LOXL1: variants seen among roughly 807,000 people sequenced by gnomAD.
LOXL1 encodes lysyl oxidase like 1.
A neutral mutation model predicts 62.2 loss-of-function variants in LOXL1; 31 were observed. That is an observed-to-expected ratio of 0.50 (90% CI 0.37 to 0.67). LOXL1 has a LOEUF of 0.67. LOXL1 is among the 30% of genes least tolerant of loss of function. The probability of loss-of-function intolerance (pLI) is 0.00; values close to 1 mark genes in which losing one functional copy is unlikely to be tolerated. For missense variants in LOXL1, 775 were observed against 843.4 expected, an observed-to-expected ratio of 0.92 and a Z score of 1.00; for synonymous variants, 403 against 384.4, an observed-to-expected ratio of 1.05 and a Z score of -0.56.
intron 1 of LOXL1, among the ~76,000 whole-genome samples, chr15:73,938,646 T>C (rs185294955): frequency 2.2e-4 from 33 of 152,198 alleles, no homozygotes; most frequent in Admixed American, 1.9e-3. Context: ...GGGAAGCGGA[T>C]GTTGCAGTGA....
intron 6 of LOXL1, among the ~76,000 whole-genome samples, chr15:73,950,909 A>G (rs909450914): frequency 7.2e-5 from 11 of 152,224 alleles, no homozygotes; most frequent in African/African-American, 2.7e-4. Flanking sequence ...CATGAGTAGA[A>G]TGAGATCAGA....
Position 73,947,162 on chromosome 15 carries a change from T to C in LOXL1, c.1445T>C (p.Leu482Pro). 2 of 1,613,792 alleles carry C rather than the reference T, an allele frequency of 1.2e-6. No individual in the cohort carries two copies. Among genetic ancestry groups the C allele is most frequent in the Non-Finnish European group, 1.7e-6 (2 of 1,179,704 alleles). ...GAGGGCCACAAGGCCAGTTTCTGCC[T>C]GGAGGACAGCACCTGTGACTTCGGC... The part of the protein sequence containing the change: ...VAEGHKASFC[L>P]EDSTCDFGNL... Residue 482 changes from leucine (L) to proline (P), a missense_variant, in exon 4 of 7, where the codon CTG becomes CCG. Physicochemically the swap from Leu to Pro is moderately conservative, Grantham distance 98. Coordinates refer to ENST00000261921, the MANE Select transcript of LOXL1 (RefSeq NM_005576.4).
intron 1 of LOXL1, among the ~76,000 whole-genome samples, chr15:73,937,829 C>T (rs2068684633): frequency 6.6e-6 from 1 of 152,220 alleles, no homozygotes; most frequent in Non-Finnish European, 1.5e-5. Context: ...CCCGCCCCAG[C>T]CTACCCCCAC....
chr15:73,942,719 A>T, intron 1 of LOXL1, 135 bp from the exon 2 acceptor site: 1 of 676,740 alleles, frequency 1.5e-6, no homozygotes, highest in Non-Finnish European at 2.7e-6. Flanking sequence ...ACCCAAGGAG[A>T]ATGGCAAAGG....
chr15:73,935,963 G>GTGTGTGTGTC (rs1173760895), intron 1 of LOXL1, among the ~76,000 whole-genome samples: 4 of 151,532 alleles, frequency 2.6e-5, no homozygotes, highest in Non-Finnish European at 5.9e-5. Context: ...GTGTGTGTGT[G>GTGTGTGTGTC]TGTGTGTGTG....
Position 73,936,233 on chromosome 15 carries a change from G to A in LOXL1, c.1103-6621G>A, listed in dbSNP as rs370565693. Among the ~76,000 whole-genome samples the A allele has an allele frequency of 1.3e-4, 20 of 152,146 alleles. No individual in the cohort carries two copies. In the East Asian group the frequency reaches 3.9e-3, roughly 29 times the overall value. On this transcript the variant is annotated intron_variant, in intron 1 of 6. Transcript: ENST00000261921. ...CTGTCCTAGCTCTCAGGCTTGAGCT[G>A]GGTTACATCTTCATTATGGGGCAAA...
intron 4 of LOXL1, 72 bp from the exon 5 acceptor site, chr15:73,947,726 GCCAGAAACT>G: frequency 3.0e-6 from 3 of 994,986 alleles, no homozygotes; most frequent in Non-Finnish European, 4.7e-6. Flanking sequence ...GGGAAGGTGG[GCCAGAAACT>G]CCTGAAGGTG....
rs755701227 is a variant in LOXL1, at chr15:73,947,057, C to T, written c.1350-10C>T. ...GCCCTCTTCTTTCTCCTTCTCTCCT[C>T]TGCCCCTAGGCATTACCACAGCATG... On this transcript the variant is annotated splice_polypyrimidine_tract_variant and intron_variant, in intron 3 of 6. Coordinates refer to ENST00000261921, the MANE Select transcript of LOXL1 (RefSeq NM_005576.4). 6.3e-7 allele frequency: 1 copy of T among 1,587,288 alleles called. No homozygotes were observed. Among genetic ancestry groups the T allele is most frequent in the Non-Finnish European group, 8.6e-7 (1 of 1,161,228 alleles).
At chr15:73,951,139 C>T (rs150210743) in intron 6 of LOXL1, among the ~76,000 whole-genome samples, 11 of 152,040 alleles carry the variant, frequency 7.2e-5, no homozygotes, top group South Asian at 2.1e-4. Context: ...GCTGGGGGCT[C>T]GGGGAGGCAG....
intron 1 of LOXL1, chr15:73,928,272 T>G: frequency 5.4e-6 from 1 of 185,322 alleles, no homozygotes; most frequent in Non-Finnish European, 1.1e-5. Flanking sequence ...CCTTCCCCCC[T>G]TAGAGATGTT....
At position 73,927,073 on chromosome 15, in the gene LOXL1, C is replaced by T. The variant is rs1231987780; in HGVS notation, c.290C>T (p.Ala97Val). 3 of 1,315,652 alleles carry T rather than the reference C, an allele frequency of 2.3e-6. No homozygotes were observed. The highest frequency in any genetic ancestry group is 1.5e-5 in the African/African-American group (1 of 64,736). 81.5% of individuals were successfully genotyped at this position (1,315,652 alleles called of 1,614,324 possible). A position where few individuals can be genotyped will look rare whatever the true frequency, so the allele number is the denominator to read the frequency against. Residue 97 changes from alanine to valine, a missense_variant, in exon 1 of 7, where the codon GCG becomes GTG. Transcript: ENST00000261921. ...CACGGGAGCCCCCGGCGTCGGCAGG[C>T]GCCGTCCCTGCCCCTGCCGGGGCGC... ...RSHGSPRRRQ[A>V]PSLPLPGRVG...
rs773395180 is a variant in LOXL1 at position 73,946,563 on chromosome 15, G to A, written c.1349+9G>A. ...TGGCACAGCTGCCACCAGTGAGTGG[G>A]GAGGGGCTGGGCCCGTCCTCTTCCA... On this transcript the variant is annotated intron_variant, in intron 3 of 6. Transcript: ENST00000261921. 1.3e-6 allele frequency: 2 copies of A among 1,596,994 alleles called. No individual in the cohort carries two copies. The highest frequency in any genetic ancestry group is 2.3e-5 in the South Asian group (2 of 88,496).
intron 1 of LOXL1, chr15:73,928,144 T>C (rs1567083276): frequency 2.6e-6 from 1 of 384,884 alleles, no homozygotes; most frequent in African/African-American, 2.1e-5. Context: ...CTGGCTTTGG[T>C]GGAGGGACTA....
At position 73,927,798 on chromosome 15, in the gene LOXL1, A is replaced by G. The variant is rs2068599894; in HGVS notation, c.1015A>G (p.Thr339Ala). 6 of 1,385,638 alleles carry G rather than the reference A, an allele frequency of 4.3e-6. No individual in the cohort carries two copies. The Middle Eastern group carries it at 1.0e-3, about 239-fold the overall frequency. The allele number at this position is 1,385,638 out of a possible 1,614,324, so 85.8% of individuals were successfully genotyped here. ...CTACCTGCCGGTGCGCAGCTCCGAC[A>G]CGCCCCCGCCGGGTGGGGAGCGGAA... ...PPYLPVRSSD[T>A]PPPGGERNGA... Residue 339 changes from threonine to alanine, a missense_variant, in exon 1 of 7, where the codon ACG becomes GCG. Transcript: ENST00000261921.
intron 1 of LOXL1, among the ~76,000 whole-genome samples, chr15:73,938,195 G>T (rs983388896): frequency 2.6e-5 from 4 of 151,890 alleles, no homozygotes; most frequent in African/African-American, 9.7e-5. Context: ...CAGGAGAATT[G>T]CTTGAACCCG....
At chr15:73,944,382 C>T (rs2068734389) in intron 2 of LOXL1, among the ~76,000 whole-genome samples, 1 of 152,204 alleles carries the variant, frequency 6.6e-6, no homozygotes. Flanking sequence ...GGAGGGTCTC[C>T]TGGTACAGCT....
In LOXL1 at chr15:73,926,881, G is replaced by T; in HGVS notation, c.98G>T (p.Gly33Val). 1.3e-6 allele frequency: 2 copies of T among 1,559,160 alleles called. No individual in the cohort carries two copies. The highest frequency in any genetic ancestry group is 1.2e-5 in the South Asian group (1 of 84,746). Residue 33 changes from glycine to valine, a missense_variant, in exon 1 of 7, where the codon GGC becomes GTC. Gly to Val is a moderately radical substitution (Grantham distance 109). Coordinates refer to ENST00000261921, the MANE Select transcript of LOXL1 (RefSeq NM_005576.4). ...GGGCAGCAGGCGCAGCCCGGGCAGG[G>T]CTCGGACCCCGCCCGCTGGCGGCAG... ...VHGQQAQPGQ[G>V]SDPARWRQLI...
At chr15:73,931,786 C>T (rs2068637294) in intron 1 of LOXL1, among the ~76,000 whole-genome samples, 2 of 152,232 alleles carry the variant, frequency 1.3e-5, no homozygotes, top group South Asian at 4.1e-4. Flanking sequence ...CTCCAGGTCA[C>T]TCGCCTTCCC....
chr15:73,927,790 G>A lies in LOXL1; in HGVS notation c.1007G>A (p.Ser336Asn). 7.2e-7 allele frequency: 1 copy of A among 1,394,018 alleles called. No homozygotes were observed. Among genetic ancestry groups the A allele is most frequent in the Non-Finnish European group, 9.2e-7 (1 of 1,082,066 alleles). 86.4% of individuals were successfully genotyped at this position (1,394,018 alleles called of 1,614,324 possible). The change falls in exon 1 of 7, where the codon AGC becomes AAC. Residue 336 changes from serine (S) to asparagine (N), a missense_variant. Physicochemically the swap from Ser to Asn is conservative, Grantham distance 46. Transcript: ENST00000261921. ...GAGCCGCCCTACCTGCCGGTGCGCA[G>A]CTCCGACACGCCCCCGCCGGGTGGG... ...ALEPPYLPVR[S>N]SDTPPPGGER...
Sources: gnomAD v4.1 joint callset for allele counts (sites outside exome capture counted in the v4.1 genomes callset) on GRCh38, gnomAD v4.1.1 for gene constraint, MANE v1.5 for transcripts, NCBI Gene and HGNC (gene_info 2026-07-23, HGNC 2026-07-21) for gene names.